HTR1E: variants seen among roughly 807,000 people sequenced by gnomAD.
HTR1E encodes the protein 5-HT-1E.
HTR1E carries 3 observed loss-of-function variants against 3.4 expected under a neutral mutation model. The observed-to-expected ratio is 0.89, with a 90% CI of 0.41 to 2.31. The LOEUF is 2.31. Ranked by LOEUF, HTR1E falls within the 30% of genes most tolerant of loss-of-function variation. HTR1E has a pLI of 0.05. For missense variants in HTR1E, 392 were observed against 467.0 expected (o/e 0.84, Z 1.48); for synonymous variants, 170 against 182.8 (o/e 0.93, Z 0.56).
intron 1 of HTR1E, among the ~76,000 whole-genome samples, chr6:86,972,802 G>T (rs1396330474): frequency 6.6e-6 from 1 of 152,136 alleles, no homozygotes; most frequent in Non-Finnish European, 1.5e-5. Context: ...GATTACTGGG[G>T]TTATGCCATA....
chr6:86,984,471 A>C lies in HTR1E; in HGVS notation c.-185-30679A>C, dbSNP rs149508181. Among the ~76,000 whole-genome samples the C allele has an allele frequency of 4.6e-3, 700 of 152,320 alleles. 6 individuals carry two copies. The highest frequency in any genetic ancestry group is 0.016 in the African/African-American group (666 of 41,582). On this transcript the variant is annotated intron_variant, in intron 1 of 1. Coordinates refer to ENST00000305344, the MANE Select transcript of HTR1E (RefSeq NM_000865.3). The stretch of plus-strand genomic sequence containing the variant: ...GGAATTTACCCATGACTTGGGTTTT[A>C]ATACTGTACTCTAACCAGCAGCAAG...
intron 1 of HTR1E, among the ~76,000 whole-genome samples, chr6:86,986,698 A>T (rs887148168): frequency 6.6e-6 from 1 of 152,214 alleles, no homozygotes; most frequent in Non-Finnish European, 1.5e-5. Flanking sequence ...CAGTTAAGAA[A>T]AATAAATATA....
At chr6:86,965,905 A>G (rs1387874238) in intron 1 of HTR1E, among the ~76,000 whole-genome samples, 1 of 152,154 alleles carries the variant, frequency 6.6e-6, no homozygotes, top group Non-Finnish European at 1.5e-5. Flanking sequence ...GTTATAGTGT[A>G]TACTTCTCAG....
intron 1 of HTR1E, among the ~76,000 whole-genome samples, chr6:86,995,168 C>T (rs979148182): frequency 1.3e-5 from 2 of 151,724 alleles, no homozygotes; most frequent in Non-Finnish European, 2.9e-5. Flanking sequence ...GTCTACATAC[C>T]GACCCGGAGC....
rs191391340 is a variant in HTR1E, at chr6:86,996,841, T to C, written c.-185-18309T>C. Among the ~76,000 whole-genome samples the C allele has an allele frequency of 7.2e-4, 109 of 152,068 alleles. 1 individual carries two copies. The highest frequency in any genetic ancestry group is 1.3e-4 in the Non-Finnish European group (9 of 67,878). On this transcript the variant is annotated intron_variant, in intron 1 of 1. Transcript: ENST00000305344. ...TAAAGAATTAACACCAGTTACACAATCTCTTGCAGAAAATAGAAAAGGAAC... is the reference window on the plus strand; with the variant it reads ...TAAAGAATTAACACCAGTTACACAACCTCTTGCAGAAAATAGAAAAGGAAC...
chr6:86,960,782 G>T (rs1562061657), intron 1 of HTR1E, among the ~76,000 whole-genome samples: 1 of 152,144 alleles, frequency 6.6e-6, no homozygotes, highest in African/African-American at 2.4e-5. Context: ...TAGTTTCATG[G>T]GATGTCTAAT....
chr6:86,963,753 A>T (rs185529645), intron 1 of HTR1E, among the ~76,000 whole-genome samples: 4 of 152,300 alleles, frequency 2.6e-5, no homozygotes, highest in Admixed American at 6.5e-5. Flanking sequence ...TAGGAGCAAT[A>T]GGCTATATCA....
chr6:86,970,174 C>T (rs1483492940), intron 1 of HTR1E, among the ~76,000 whole-genome samples: 1 of 152,150 alleles, frequency 6.6e-6, no homozygotes, highest in African/African-American at 2.4e-5. Context: ...CTATTGTATT[C>T]CCAGGGCTCC....
chr6:86,959,899 G>A (rs1323174733), intron 1 of HTR1E, among the ~76,000 whole-genome samples: 1 of 152,142 alleles, frequency 6.6e-6, no homozygotes, highest in Non-Finnish European at 1.5e-5. Flanking sequence ...TGAATCCCCA[G>A]CTGTGTCTGT....
At chr6:86,947,481 A>G (rs1767138149) in intron 1 of HTR1E, among the ~76,000 whole-genome samples, 2 of 152,106 alleles carry the variant, frequency 1.3e-5, no homozygotes, top group Admixed American at 6.6e-5. Context: ...GCTTATAAGT[A>G]TATCACATGT....
intron 1 of HTR1E, among the ~76,000 whole-genome samples, chr6:86,942,793 G>A (rs1462549231): frequency 2.6e-5 from 4 of 152,172 alleles, no homozygotes; most frequent in South Asian, 2.1e-4. Context: ...CTTTATGTCC[G>A]AGGCATTGGA....
At chr6:86,944,540 T>C (rs1768588459) in intron 1 of HTR1E, among the ~76,000 whole-genome samples, 2 of 152,226 alleles carry the variant, frequency 1.3e-5, no homozygotes, top group African/African-American at 4.8e-5. Context: ...TTCCACTTTA[T>C]AGATAGTGAT....
In HTR1E at chr6:87,010,160, G is replaced by A. The variant is rs1230207958; in HGVS notation, c.-185-4990G>A. ...CGGGCAGAGGCGCCCCTCACCTCCCGGACGGGGCGGCTGGCCGGGCGGGGG... is the reference window on the plus strand; with the variant it reads ...CGGGCAGAGGCGCCCCTCACCTCCCAGACGGGGCGGCTGGCCGGGCGGGGG... On this transcript the variant is annotated intron_variant, in intron 1 of 1. Transcript: ENST00000305344. Among the ~76,000 whole-genome samples the A allele has an allele frequency of 1.8e-3, 125 of 69,294 alleles. 1 individual carries two copies. The highest frequency in any genetic ancestry group is 2.5e-3 in the Non-Finnish European group (90 of 35,570). The allele number at this position is 69,294 out of a possible 152,430, so 45.5% of individuals were successfully genotyped here.
intron 1 of HTR1E, among the ~76,000 whole-genome samples, chr6:86,969,277 G>T (rs1434208251): frequency 6.6e-6 from 1 of 152,098 alleles, no homozygotes; most frequent in East Asian, 1.9e-4. Flanking sequence ...GAGCAAATAG[G>T]AACAGAGGAA....
chr6:87,015,828 G>A lies in HTR1E; in HGVS notation c.494G>A (p.Arg165His), dbSNP rs373132619. The change falls in exon 2 of 2, where the codon CGC becomes CAC. Residue 165 changes from arginine (R) to histidine (H), a missense_variant. By Grantham distance (29) the Arg-to-His change is conservative (BLOSUM62 0). Around this residue, in one of 3 missense-constraint regions of HTR1E, gnomAD observed 189 missense variants for 258.0 expected, o/e 0.73. Transcript: ENST00000305344. ...CCTCTGTTCTGGAGAAGCCACCGCC[G>A]CCTAAGCCCTCCCCCTAGTCAGTGC... ...MPPLFWRSHR[R>H]LSPPPSQCTI... The A allele has an allele frequency of 1.1e-5, 17 of 1,613,492 alleles. No homozygotes were observed. The highest frequency in any genetic ancestry group is 3.3e-4 in the Middle Eastern group (2 of 6,084).
At chr6:86,996,478 GA>G (rs1175058741) in intron 1 of HTR1E, among the ~76,000 whole-genome samples, 2 of 104,060 alleles carry the variant, frequency 1.9e-5, no homozygotes, top group African/African-American at 6.2e-5. Context: ...AACTGACATA[GA>G]AAAATAAAAG....
intron 1 of HTR1E, among the ~76,000 whole-genome samples, chr6:86,976,292 T>G (rs923283303): frequency 6.6e-6 from 1 of 152,098 alleles, no homozygotes; most frequent in African/African-American, 2.4e-5. Flanking sequence ...AAGAAAGTAG[T>G]GGGAGTGGCA....
chr6:86,940,278 G>C (rs1484894960), intron 1 of HTR1E, among the ~76,000 whole-genome samples: 1 of 152,058 alleles, frequency 6.6e-6, no homozygotes, highest in East Asian at 1.9e-4. Context: ...GGTCACACCT[G>C]TAATTCCAAC....
At chr6:86,996,719 C>T (rs1767944186) in intron 1 of HTR1E, among the ~76,000 whole-genome samples, 1 of 151,792 alleles carries the variant, frequency 6.6e-6, no homozygotes, top group South Asian at 2.1e-4. Context: ...TTAAATAGGC[C>T]TATAACTACT....
Sources: gnomAD v4.1 joint callset for allele counts (sites outside exome capture counted in the v4.1 genomes callset) on GRCh38, gnomAD v4.1.1 for gene constraint, gnomAD v4.1.1 regional missense constraint, MANE v1.5 for transcripts, NCBI Gene and HGNC (gene_info 2026-07-23, HGNC 2026-07-21) for gene names.